The following ZNF487 variants were observed in gnomAD, a reference collection of about 807,000 sequenced individuals.
ZNF487 encodes the protein KRAB domain only 1.
ZNF487 carries 4 observed loss-of-function variants against 3.0 expected under a neutral mutation model. The ratio of observed to expected loss-of-function variants is 1.35; its 90% confidence interval spans 0.66 to 3.08. ZNF487 has a LOEUF of 3.08. Among genes scored for constraint, ZNF487 ranks in the 30% most tolerant of loss-of-function variants. The pLI, the probability that ZNF487 is intolerant of heterozygous loss-of-function variation, is 0.01. For synonymous variants in ZNF487, 55 were observed against 34.6 expected (o/e 1.59, Z -2.06); for missense variants, 146 against 98.7 (o/e 1.48, Z -2.03).
intron 1 of ZNF487, among the ~76,000 whole-genome samples, chr10:43,456,568 C>A (rs11238550): frequency 6.6e-6 from 1 of 151,984 alleles, no homozygotes; most frequent in Admixed American, 6.6e-5. Flanking sequence ...AATATTACTA[C>A]CTCTAAGAAA....
At chr10:43,516,025 C>T in the ZNF487 span, among the ~76,000 whole-genome samples, 1 of 152,108 alleles carries the variant, frequency 6.6e-6, no homozygotes, top group Admixed American at 6.5e-5. Flanking sequence ...CGTGATCCGC[C>T]CGCCTTGGCC....
At chr10:43,448,224 C>T (rs1013427518) in intron 1 of ZNF487, among the ~76,000 whole-genome samples, 12 of 151,574 alleles carry the variant, frequency 7.9e-5, no homozygotes, top group Middle Eastern at 3.4e-3. Flanking sequence ...CTCCTGACCT[C>T]GTGATCCACC....
the ZNF487 span, among the ~76,000 whole-genome samples, chr10:43,498,215 C>T: frequency 8.6e-6 from 1 of 116,432 alleles, no homozygotes; most frequent in Non-Finnish European, 1.7e-5. Flanking sequence ...GCAACTTCTG[C>T]CTCTCGGATT....
At chr10:43,484,828 A>G (rs2132163209), downstream of ZNF487, among the ~76,000 whole-genome samples, 1 of 152,352 alleles carries the variant, frequency 6.6e-6, no homozygotes, top group South Asian at 2.1e-4. Context: ...TTCCTACCAC[A>G]TCAATTTTAA....
chr10:43,519,665 A>G, the ZNF487 span, among the ~76,000 whole-genome samples: 1 of 152,090 alleles, frequency 6.6e-6, no homozygotes, highest in African/African-American at 2.4e-5. Context: ...ACGGAGTTTT[A>G]CCATATTGGC....
the ZNF487 span, among the ~76,000 whole-genome samples, chr10:43,504,563 G>A: frequency 1.8e-4 from 27 of 152,064 alleles, no homozygotes; most frequent in African/African-American, 6.3e-4. Flanking sequence ...CCAAAGTGCT[G>A]GGATTACAGG....
At chr10:43,499,313 TAAAG>T in the ZNF487 span, among the ~76,000 whole-genome samples, 1 of 151,634 alleles carries the variant, frequency 6.6e-6, no homozygotes, top group Non-Finnish European at 1.5e-5. Flanking sequence ...ACCAAAAAAA[TAAAG>T]AAACGGCCAG....
the ZNF487 span, among the ~76,000 whole-genome samples, chr10:43,505,527 C>T: frequency 1.3e-5 from 2 of 151,958 alleles, no homozygotes; most frequent in African/African-American, 4.8e-5. Context: ...TTGTGATCTG[C>T]CCGCTTTGGC....
At position 43,462,752 on chromosome 10, in the gene ZNF487, CCTTTTTTTTTTCTTT is replaced by C. The variant is rs1840476859; in HGVS notation, c.-93-12957_-93-12943del. On this transcript the variant is annotated intron_variant, in intron 1 of 3. Transcript: ENST00000437590. ...TACAGGCATGAGCCACTGCATCCGG[CCTTTTTTTTTTCTTT>C]CTTTTTTTTTTTATAAATAGAGATA... Among the ~76,000 whole-genome samples the C allele has an allele frequency of 2.7e-5, 4 of 150,474 alleles. No individual in the cohort carries two copies. The South Asian group carries it at 8.4e-4, about 32-fold the overall frequency.
At chr10:43,464,083 C>T (rs918344248) in intron 1 of ZNF487, among the ~76,000 whole-genome samples, 8 of 152,048 alleles carry the variant, frequency 5.3e-5, no homozygotes, top group South Asian at 4.1e-4. Flanking sequence ...AATACTTAAG[C>T]TTAATGAGGA....
At chr10:43,466,753 A>G (rs569289847) in intron 1 of ZNF487, among the ~76,000 whole-genome samples, 1 of 152,288 alleles carries the variant, frequency 6.6e-6, no homozygotes, top group Admixed American at 6.5e-5. Flanking sequence ...CAGAAAAAAT[A>G]TTTCTTTCAA....
At chr10:43,475,693 T>C (rs750404814) in intron 1 of ZNF487, 28 bp from the exon 2 acceptor site, 9 of 775,520 alleles carry the variant, frequency 1.2e-5, no homozygotes, top group Non-Finnish European at 1.9e-5. Context: ...CTGATCACTG[T>C]AGAATGAAAA....
intron 3 of ZNF487, among the ~76,000 whole-genome samples, chr10:43,478,345 G>C (rs1841179570): frequency 6.6e-6 from 1 of 151,950 alleles, no homozygotes; most frequent in Non-Finnish European, 1.5e-5. Context: ...ACCTGAGGTT[G>C]AGAGTTCGAG....
At chr10:43,502,533 G>T in the ZNF487 span, among the ~76,000 whole-genome samples, 6 of 151,802 alleles carry the variant, frequency 4.0e-5, no homozygotes, top group Non-Finnish European at 7.4e-5. Flanking sequence ...AAAAAAAAAA[G>T]AAACTAAATA....
intron 1 of ZNF487, among the ~76,000 whole-genome samples, chr10:43,443,367 T>TC (rs1839686685): frequency 6.8e-6 from 1 of 147,098 alleles, no homozygotes; most frequent in Non-Finnish European, 1.5e-5. Flanking sequence ...CTGGGCCTAG[T>TC]TTTTGTTTTT....
intron 1 of ZNF487, among the ~76,000 whole-genome samples, chr10:43,463,563 T>A (rs1840515045): frequency 6.6e-6 from 1 of 151,744 alleles, no homozygotes; most frequent in African/African-American, 2.4e-5. Context: ...TTTTTTTTTT[T>A]TGGTGGAAAC....
chr10:43,455,766 G>C (rs1840168688), intron 1 of ZNF487, among the ~76,000 whole-genome samples: 1 of 152,348 alleles, frequency 6.6e-6, no homozygotes, highest in South Asian at 2.1e-4. Flanking sequence ...CCGCGGCCTT[G>C]GCCCTTTGGC....
At chr10:43,516,069 C>T in the ZNF487 span, among the ~76,000 whole-genome samples, 21 of 152,112 alleles carry the variant, frequency 1.4e-4, no homozygotes, top group Non-Finnish European at 2.5e-4. Flanking sequence ...CATAAGCCAC[C>T]GTGCCCAGCC....
At chr10:43,474,859 A>G (rs2132133209) in intron 1 of ZNF487, among the ~76,000 whole-genome samples, 1 of 152,086 alleles carries the variant, frequency 6.6e-6, no homozygotes, top group East Asian at 1.9e-4. Context: ...CTGGGATTAT[A>G]GGCATGAGCC....
Sources: allele counts gnomAD v4.1 joint callset (sites outside exome capture counted in the v4.1 genomes callset), GRCh38; gene constraint gnomAD v4.1.1; transcripts MANE v1.5; gene names NCBI Gene and HGNC (gene_info 2026-07-23, HGNC 2026-07-21).